CDK14: variants seen among roughly 807,000 people sequenced by gnomAD.
CDK14 encodes the protein cyclin-dependent kinase 14.
A neutral mutation model predicts 60.7 loss-of-function variants in CDK14; 34 were observed. The observed-to-expected ratio is 0.56, with a 90% CI of 0.43 to 0.75. The LOEUF (loss-of-function observed/expected upper bound fraction) is 0.75. CDK14 is among the 30% of genes least tolerant of loss of function. The probability of loss-of-function intolerance (pLI) is 0.00; values close to 1 mark genes in which losing one functional copy is unlikely to be tolerated. For missense variants in CDK14, 482 were observed against 564.1 expected, an observed-to-expected ratio of 0.85 and a Z score of 1.47; for synonymous variants, 197 against 203.7, an observed-to-expected ratio of 0.97 and a Z score of 0.28.
intron 4 of CDK14, among the ~76,000 whole-genome samples, chr7:90,757,252 C>G (rs2374357): frequency 0.38 from 45,553 of 119,610 alleles, 8,224 homozygotes; most frequent in East Asian, 0.57. Flanking sequence ...GTGTGTGTGT[C>G]TGTGTGTGTC....
chr7:91,038,813 G>C (rs1797002929), intron 10 of CDK14, among the ~76,000 whole-genome samples: 1 of 151,432 alleles, frequency 6.6e-6, no homozygotes. Flanking sequence ...AAAAATGGGA[G>C]TTTCCCTACA....
rs1799696621 is a variant in CDK14 at position 90,618,408 on chromosome 7, A to G, written c.123+14159A>G. Reference sequence around the variant, plus strand: ...TCTTCTATGCTTCCAATATCATTGCATTTTCTTCTTTCCTTTTTCTTTGTT... The same window carrying G: ...TCTTCTATGCTTCCAATATCATTGCGTTTTCTTCTTTCCTTTTTCTTTGTT... On this transcript the variant is annotated intron_variant, in intron 2 of 14. Coordinates refer to ENST00000380050, the MANE Select transcript of CDK14 (RefSeq NM_001287135.2). Among the ~76,000 whole-genome samples the G allele has an allele frequency of 1.3e-5, 2 of 151,824 alleles. 1 individual carries two copies. The highest frequency in any genetic ancestry group is 4.1e-4 in the South Asian group (2 of 4,824).
chr7:90,801,710 T>C (rs919855936), intron 5 of CDK14, among the ~76,000 whole-genome samples: 2 of 152,318 alleles, frequency 1.3e-5, no homozygotes, highest in South Asian at 2.1e-4. Flanking sequence ...GGACATGTTT[T>C]TTTATCCAGA....
At chr7:91,000,254 T>A (rs1795802190) in intron 10 of CDK14, among the ~76,000 whole-genome samples, 1 of 152,254 alleles carries the variant, frequency 6.6e-6, no homozygotes, top group African/African-American at 2.4e-5. Flanking sequence ...CTATAATTTG[T>A]GTTTAGTGTT....
At chr7:90,691,992 G>A (rs1801562238) in intron 2 of CDK14, among the ~76,000 whole-genome samples, 1 of 152,072 alleles carries the variant, frequency 6.6e-6, no homozygotes, top group Non-Finnish European at 1.5e-5. Flanking sequence ...AGATGAGTGA[G>A]TTTGAGAGGA....
At chr7:90,969,796 A>G (rs1175638312) in intron 9 of CDK14, among the ~76,000 whole-genome samples, 1 of 151,862 alleles carries the variant, frequency 6.6e-6, no homozygotes, top group Admixed American at 6.6e-5. Context: ...TTTTTCTTAC[A>G]GTAGTCCTCG....
intron 12 of CDK14, among the ~76,000 whole-genome samples, chr7:91,094,761 T>A (rs1355209466): frequency 6.6e-6 from 1 of 152,092 alleles, no homozygotes. Context: ...TCAAGATAAA[T>A]AACACTTTAA....
intron 8 of CDK14, among the ~76,000 whole-genome samples, chr7:90,927,587 A>G (rs1224472423): frequency 6.6e-6 from 1 of 152,230 alleles, no homozygotes; most frequent in Non-Finnish European, 1.5e-5. Context: ...ACTAAAGTAC[A>G]TATATAAATA....
chr7:91,076,684 A>G (rs1446368652), intron 11 of CDK14, among the ~76,000 whole-genome samples: 1 of 152,236 alleles, frequency 6.6e-6, no homozygotes, highest in Non-Finnish European at 1.5e-5. Context: ...TCTGCACAGC[A>G]AAAGAATGAA....
At chr7:91,200,707 C>T (rs1802686984) in intron 14 of CDK14, among the ~76,000 whole-genome samples, 1 of 152,206 alleles carries the variant, frequency 6.6e-6, no homozygotes, top group African/African-American at 2.4e-5. Flanking sequence ...CTGGGATCCT[C>T]TGACTGTCTG....
chr7:90,917,161 C>T (rs1350346011), intron 7 of CDK14, among the ~76,000 whole-genome samples: 1 of 152,084 alleles, frequency 6.6e-6, no homozygotes, highest in Non-Finnish European at 1.5e-5. Context: ...GTACCATGTT[C>T]ATGTTGTTTC....
intron 2 of CDK14, among the ~76,000 whole-genome samples, chr7:90,627,014 ATAACT>A (rs1329881109): frequency 1.6e-4 from 24 of 152,050 alleles, no homozygotes; most frequent in Non-Finnish European, 2.8e-4. Flanking sequence ...AAAGAAACAG[ATAACT>A]TTACTTTTAT....
chr7:91,024,201 A>G (rs912149143), intron 10 of CDK14, among the ~76,000 whole-genome samples: 5 of 152,170 alleles, frequency 3.3e-5, no homozygotes, highest in African/African-American at 1.2e-4. Flanking sequence ...TTATAATGGT[A>G]TTTTTAGTAC....
At chr7:90,814,917 C>T (rs1348817083) in intron 5 of CDK14, among the ~76,000 whole-genome samples, 1 of 152,204 alleles carries the variant, frequency 6.6e-6, no homozygotes, top group East Asian at 1.9e-4. Flanking sequence ...ACTCTCTTGC[C>T]TTTTTAAAAT....
At position 90,863,063 on chromosome 7, in the gene CDK14, G is replaced by A. The variant is rs947367102; in HGVS notation, c.545-112G>A. 4.2e-5 allele frequency: 23 copies of A among 543,868 alleles called. No homozygotes were observed. In the African/African-American group the frequency reaches 4.3e-4, roughly 10 times the overall value. The allele number at this position is 543,868 out of a possible 1,614,324, so 33.7% of individuals were successfully genotyped here. A position where few individuals can be genotyped will look rare whatever the true frequency, so the allele number is the denominator to read the frequency against. ...TTCATTTTGAATTGTTATTGACTTG[G>A]AACATGTGAAAATAGATATCTCTCA... On this transcript the variant is annotated intron_variant, in intron 5 of 14. Coordinates refer to ENST00000380050, the MANE Select transcript of CDK14 (RefSeq NM_001287135.2).
At chr7:90,714,162 G>A (rs995368043) in intron 2 of CDK14, among the ~76,000 whole-genome samples, 1 of 152,064 alleles carries the variant, frequency 6.6e-6, no homozygotes, top group Non-Finnish European at 1.5e-5. Context: ...GTAACAGAAA[G>A]CTCCAATATC....
chr7:91,171,704 T>G (rs1354455276), intron 14 of CDK14, among the ~76,000 whole-genome samples: 1 of 152,180 alleles, frequency 6.6e-6, no homozygotes, highest in Non-Finnish European at 1.5e-5. Flanking sequence ...TGGAGTGCAG[T>G]GGCATGATCT....
chr7:90,852,846 G>A (rs945482722), intron 5 of CDK14, among the ~76,000 whole-genome samples: 3 of 152,182 alleles, frequency 2.0e-5, no homozygotes, highest in African/African-American at 4.8e-5. Context: ...GCTTGTCCAG[G>A]CCTAGGAGGA....
chr7:90,618,235 T>C (rs534851333), intron 2 of CDK14, among the ~76,000 whole-genome samples: 22 of 152,316 alleles, frequency 1.4e-4, no homozygotes, highest in African/African-American at 5.3e-4. Context: ...ATGAAGACTT[T>C]AGGTGGGTAT....
Sources: allele counts gnomAD v4.1 joint callset (sites outside exome capture counted in the v4.1 genomes callset), GRCh38; gene constraint gnomAD v4.1.1; transcripts MANE v1.5; gene names NCBI Gene and HGNC (gene_info 2026-07-23, HGNC 2026-07-21).